The following SUGCT variants were observed in gnomAD, a reference collection of about 807,000 sequenced individuals.
SUGCT encodes the protein succinyl-CoA:glutarate CoA-transferase.
SUGCT carries 41 observed loss-of-function variants against 55.0 expected under a neutral mutation model. The ratio of observed to expected loss-of-function variants is 0.74; its 90% CI spans 0.58 to 0.97. SUGCT has a LOEUF of 0.97. Among genes scored for constraint, SUGCT ranks in the 50% least tolerant of loss-of-function variants. The probability of loss-of-function intolerance (pLI) is 0.00; values close to 1 mark genes in which losing one functional copy is unlikely to be tolerated. For missense variants in SUGCT, 568 were observed against 547.8 expected (o/e 1.04, Z -0.37); for synonymous variants, 187 against 200.4 (o/e 0.93, Z 0.56).
intron 1 of SUGCT, among the ~76,000 whole-genome samples, chr7:40,178,429 G>A (rs965110359): frequency 6.6e-6 from 1 of 152,096 alleles, no homozygotes; most frequent in South Asian, 2.1e-4. Flanking sequence ...ATGCATGAGA[G>A]GTAGTTTTTG....
the SUGCT span, among the ~76,000 whole-genome samples, chr7:40,959,542 C>T: frequency 9.2e-5 from 14 of 152,148 alleles, no homozygotes; most frequent in South Asian, 2.1e-4. Flanking sequence ...TATCCCAAGT[C>T]GACTTCAGAC....
At chr7:40,676,966 T>G (rs1784021778) in intron 12 of SUGCT, among the ~76,000 whole-genome samples, 1 of 149,546 alleles carries the variant, frequency 6.7e-6, no homozygotes, top group Admixed American at 6.7e-5. Flanking sequence ...TAACATGCCA[T>G]GCCATGAAGT....
chr7:40,427,028 TTGAA>T (rs1203507585), intron 9 of SUGCT, among the ~76,000 whole-genome samples: 3 of 152,128 alleles, frequency 2.0e-5, no homozygotes, highest in African/African-American at 4.8e-5. Context: ...CAGAATGGTC[TTGAA>T]TTACTGGCCT....
At chr7:40,228,785 A>G (rs528030846) in intron 6 of SUGCT, among the ~76,000 whole-genome samples, 2 of 152,254 alleles carry the variant, frequency 1.3e-5, no homozygotes, top group Admixed American at 1.3e-4. Context: ...AGAGATGCAC[A>G]TTCCCTTTAT....
At chr7:40,725,388 T>C (rs1259298621) in intron 12 of SUGCT, among the ~76,000 whole-genome samples, 3 of 152,180 alleles carry the variant, frequency 2.0e-5, no homozygotes, top group African/African-American at 4.8e-5. Context: ...CTTCTTTGAA[T>C]CCTAATACCC....
At chr7:40,901,513 TAAG>T in the SUGCT span, among the ~76,000 whole-genome samples, 48,755 of 151,870 alleles carry the variant, frequency 0.32, 8,621 homozygotes, top group Admixed American at 0.43. Context: ...GTGCATCCAA[TAAG>T]AAGGTCATCC....
the SUGCT span, among the ~76,000 whole-genome samples, chr7:40,876,763 C>T: frequency 2.0e-5 from 3 of 152,018 alleles, no homozygotes; most frequent in African/African-American, 7.2e-5. Context: ...GGTGGTTTGG[C>T]AGATAACCAT....
chr7:40,596,307 T>C (rs1485782110), intron 12 of SUGCT, among the ~76,000 whole-genome samples: 1 of 152,142 alleles, frequency 6.6e-6, no homozygotes, highest in Non-Finnish European at 1.5e-5. Flanking sequence ...AAAATTACAA[T>C]AGGCACTGGG....
At chr7:40,626,869 C>T (rs1365366882) in intron 12 of SUGCT, among the ~76,000 whole-genome samples, 1 of 152,148 alleles carries the variant, frequency 6.6e-6, no homozygotes, top group Non-Finnish European at 1.5e-5. Flanking sequence ...AATACTAGTT[C>T]CTTTCCCCGT....
chr7:40,674,603 G>A (rs1200628239), intron 12 of SUGCT, among the ~76,000 whole-genome samples: 11 of 151,938 alleles, frequency 7.2e-5, no homozygotes, highest in Admixed American at 1.3e-4. Flanking sequence ...CTCCACTTCC[G>A]AAAAAGAGCC....
intron 9 of SUGCT, among the ~76,000 whole-genome samples, chr7:40,370,363 T>A (rs1008706610): frequency 2.6e-5 from 4 of 152,132 alleles, no homozygotes; most frequent in Non-Finnish European, 5.9e-5. Context: ...TAGCTGCTCC[T>A]CTCTACACAT....
At chr7:40,887,408 A>G in the SUGCT span, among the ~76,000 whole-genome samples, 17 of 152,194 alleles carry the variant, frequency 1.1e-4, no homozygotes, top group African/African-American at 4.1e-4. Flanking sequence ...CTACAAGGGT[A>G]GTGGAAGGAG....
chr7:40,362,418 C>T (rs1798201363), intron 9 of SUGCT, among the ~76,000 whole-genome samples: 1 of 151,902 alleles, frequency 6.6e-6, no homozygotes, highest in Admixed American at 6.6e-5. Flanking sequence ...GAGTCCATCC[C>T]CGCCGCTCCC....
intron 13 of SUGCT, among the ~76,000 whole-genome samples, chr7:40,832,657 CTTT>C (rs1484665784): frequency 1.4e-5 from 2 of 146,964 alleles, no homozygotes; most frequent in Admixed American, 6.9e-5. Flanking sequence ...TTCAGGCCTT[CTTT>C]GTTTCTTCCA....
At chr7:40,250,230 A>T (rs1790274107) in intron 7 of SUGCT, among the ~76,000 whole-genome samples, 1 of 151,812 alleles carries the variant, frequency 6.6e-6, no homozygotes, top group Non-Finnish European at 1.5e-5. Flanking sequence ...AAACCCCATG[A>T]CTACAAAAAA....
At chr7:40,703,797 T>G (rs962983559) in intron 12 of SUGCT, among the ~76,000 whole-genome samples, 4 of 152,200 alleles carry the variant, frequency 2.6e-5, no homozygotes, top group African/African-American at 4.8e-5. Flanking sequence ...GATTAGAAAG[T>G]ACAGACCACT....
intron 8 of SUGCT, 102 bp downstream of exon 8, chr7:40,274,758 A>G: frequency 9.5e-7 from 1 of 1,051,430 alleles, no homozygotes; most frequent in South Asian, 1.4e-5. Flanking sequence ...AACAATACAA[A>G]AACCAACACA....
At chr7:40,955,681 G>A in the SUGCT span, among the ~76,000 whole-genome samples, 2 of 152,066 alleles carry the variant, frequency 1.3e-5, no homozygotes, top group Non-Finnish European at 2.9e-5. Context: ...TTGAATAGGA[G>A]TGAGAGAGGG....
At chr7:40,986,609 A>G in the SUGCT span, among the ~76,000 whole-genome samples, 1 of 152,212 alleles carries the variant, frequency 6.6e-6, no homozygotes, top group African/African-American at 2.4e-5. Flanking sequence ...CGTGTGCTGT[A>G]ATTCTAAGGA....
Sources: allele counts gnomAD v4.1 joint callset (sites outside exome capture counted in the v4.1 genomes callset), GRCh38; gene constraint gnomAD v4.1.1; transcripts MANE v1.5; gene names NCBI Gene and HGNC (gene_info 2026-07-23, HGNC 2026-07-21).